Variants in DDB2 observed in about 807,000 individuals in gnomAD.
DDB2 encodes DNA damage-binding protein 2.
Under a neutral mutation model 50.5 loss-of-function variants are expected in DDB2, and 27 were observed. The ratio of observed to expected loss-of-function variants is 0.53; its 90% CI spans 0.39 to 0.74. The LOEUF is 0.74. Among genes scored for constraint, DDB2 ranks in the 30% least tolerant of loss-of-function variants. DDB2 has a pLI of 0.00. For synonymous variants in DDB2, 176 were observed against 205.5 expected, an observed-to-expected ratio of 0.86 and a Z score of 1.23; for missense variants, 424 against 545.6, an observed-to-expected ratio of 0.78 and a Z score of 2.22.
In DDB2 at chr11:47,237,434, CTTTT is replaced by C. The variant is rs564311013; in HGVS notation, c.1024-388_1024-385del. 2.9e-5 allele frequency among the ~76,000 whole-genome samples: 4 copies of C among 139,210 alleles called. No homozygotes were observed. The South Asian group carries it at 9.0e-4, about 31-fold the overall frequency. The allele number at this position is 139,210 out of a possible 152,430, so 91.3% of individuals were successfully genotyped here. A position where few individuals can be genotyped will look rare whatever the true frequency, so the allele number is the denominator to read the frequency against. Reference sequence around the variant, plus strand: ...GTTGGCTTGTTACTGGCAAATACTACTTTTTTTTTTTTTTTTTTGAGAGTCTTGC... The same window carrying C: ...GTTGGCTTGTTACTGGCAAATACTACTTTTTTTTTTTTTTGAGAGTCTTGC... On this transcript the variant is annotated intron_variant, in intron 7 of 9. Coordinates refer to ENST00000256996, the MANE Select transcript of DDB2 (RefSeq NM_000107.3).
At chr11:47,238,466 T>C (rs1194046216) in intron 9 of DDB2, among the ~76,000 whole-genome samples, 1 of 152,140 alleles carries the variant, frequency 6.6e-6, no homozygotes, top group African/African-American at 2.4e-5. Flanking sequence ...TGGCGTGATC[T>C]TGGCTCAATG....
At chr11:47,219,464 A>G in intron 3 of DDB2, among the ~76,000 whole-genome samples, 1 of 151,544 alleles carries the variant, frequency 6.6e-6, no homozygotes, top group East Asian at 2.0e-4. Context: ...TGACTCAAGG[A>G]ATCCTCCGGC....
At chr11:47,217,437 T>C (rs1953417037) in intron 3 of DDB2, 1 of 155,104 alleles carries the variant, frequency 6.4e-6, no homozygotes, top group African/African-American at 2.4e-5. Context: ...GTTGAAGGCA[T>C]GAAAGGAATA....
At chr11:47,235,474 T>G in intron 7 of DDB2, 62 bp downstream of exon 7, 1 of 1,560,838 alleles carries the variant, frequency 6.4e-7, no homozygotes, top group Non-Finnish European at 8.7e-7. Context: ...GGAGCAGGTC[T>G]GCCCACAGTG....
At chr11:47,234,047 T>C (rs326224) in intron 4 of DDB2, among the ~76,000 whole-genome samples, 107,716 of 152,062 alleles carry the variant, frequency 0.71, 40,292 homozygotes, top group Non-Finnish European at 0.85. Context: ...TGAAGCACCC[T>C]CCTAGTCAGC....
intron 3 of DDB2, among the ~76,000 whole-genome samples, chr11:47,223,595 A>G (rs1953517286): frequency 1.3e-5 from 2 of 152,074 alleles, no homozygotes. Context: ...CCTGGCTAAC[A>G]CGGTGAAACC....
At chr11:47,219,851 A>C (rs1042227055) in intron 3 of DDB2, among the ~76,000 whole-genome samples, 4 of 152,072 alleles carry the variant, frequency 2.6e-5, no homozygotes, top group Admixed American at 6.6e-5. Context: ...GCAGTGGCGC[A>C]ATCTCGGCTC....
At chr11:47,216,495 T>A (rs1360618253) in intron 2 of DDB2, 23 bp downstream of exon 2, 1 of 1,612,302 alleles carries the variant, frequency 6.2e-7, no homozygotes, top group Admixed American at 1.7e-5. Flanking sequence ...TTGCCTCAAG[T>A]CCTCAAGGGT....
In DDB2 at chr11:47,226,136, A is replaced by C. The variant is rs112709622; in HGVS notation, c.457-6678A>C. On this transcript the variant is annotated intron_variant, in intron 3 of 9. Coordinates refer to ENST00000256996, the MANE Select transcript of DDB2 (RefSeq NM_000107.3). ...TTTGGGGCTTATGCCAATAAGTACG[A>C]TTGCTTCATCAAATGGTAATTTTGT... Among the ~76,000 whole-genome samples, 1,159 of 152,290 alleles carry C rather than the reference A, an allele frequency of 7.6e-3. 18 individuals are homozygous for C. The highest frequency in any genetic ancestry group is 0.026 in the African/African-American group (1,077 of 41,566).
intron 7 of DDB2, among the ~76,000 whole-genome samples, chr11:47,237,434 C>CT (rs564311013): frequency 0.019 from 2,589 of 139,190 alleles, 85 homozygotes; most frequent in African/African-American, 0.056. Context: ...GCAAATACTA[C>CT]TTTTTTTTTT....
intron 3 of DDB2, among the ~76,000 whole-genome samples, chr11:47,227,992 T>C (rs1166164368): frequency 6.6e-6 from 1 of 151,392 alleles, no homozygotes; most frequent in Non-Finnish European, 1.5e-5. Context: ...ATGCAAAAAT[T>C]AGCTGGGCGT....
At chr11:47,228,616 C>T (rs1427811966) in intron 3 of DDB2, among the ~76,000 whole-genome samples, 8 of 148,298 alleles carry the variant, frequency 5.4e-5, no homozygotes, top group African/African-American at 1.5e-4. Flanking sequence ...GCACTCCAGC[C>T]TGGGCAACAG....
intron 3 of DDB2, among the ~76,000 whole-genome samples, chr11:47,222,920 C>T (rs1306963499): frequency 1.3e-5 from 2 of 152,090 alleles, no homozygotes; most frequent in African/African-American, 4.8e-5. Context: ...TTCATGTGAT[C>T]CAGATTTCCT....
intron 2 of DDB2, 39 bp downstream of exon 2, chr11:47,216,511 C>G: frequency 6.2e-7 from 1 of 1,611,780 alleles, no homozygotes; most frequent in East Asian, 2.2e-5. Flanking sequence ...AGGGTTTACA[C>G]GTGCATTTTT....
chr11:47,225,578 C>T (rs1054202805), intron 3 of DDB2, among the ~76,000 whole-genome samples: 5 of 150,716 alleles, frequency 3.3e-5, no homozygotes, highest in Non-Finnish European at 7.4e-5. Flanking sequence ...GGCAACAGAG[C>T]GAGACTCCAT....
intron 3 of DDB2, chr11:47,229,873 C>A: frequency 2.5e-6 from 1 of 394,606 alleles, no homozygotes; most frequent in Non-Finnish European, 4.8e-6. Flanking sequence ...CTCTGCCACC[C>A]AGGCTGGAAT....
rs757228612 is a variant in DDB2 at position 47,215,123 on chromosome 11, AC to A, written c.-13del. The A allele has an allele frequency of 6.2e-7, 1 of 1,613,802 alleles. No individual in the cohort carries two copies. Among genetic ancestry groups the A allele is most frequent in the Non-Finnish European group, 8.5e-7 (1 of 1,179,914 alleles). The stretch of plus-strand genomic sequence containing the variant: ...TTCGCATAGAGCACAGTACCCCTTC[AC>A]ACGGAGGACGCGATGGCTCCCAAGA... On this transcript the variant is annotated 5_prime_UTR_variant, in exon 1 of 10. Coordinates refer to ENST00000256996, the MANE Select transcript of DDB2 (RefSeq NM_000107.3).
rs142203542 is a variant in DDB2 at position 47,234,666 on chromosome 11, C to T, written c.696C>T (p.Gly232=). 2.5e-6 allele frequency: 4 copies of T among 1,614,104 alleles called. No homozygotes were observed. Among genetic ancestry groups the T allele is most frequent in the South Asian group, 1.1e-5 (1 of 91,086 alleles). The change falls in exon 5 of 10, where the codon GGC becomes GGT. Residue 232 remains glycine, a synonymous_variant. Coordinates refer to ENST00000256996, the MANE Select transcript of DDB2 (RefSeq NM_000107.3). ...VGNVILLNMD[G]KELWNLRMHK... is the part of the protein sequence containing the mutation. Reference sequence around the variant, plus strand: ...ACGTGATCCTGCTGAACATGGACGGCAAAGAGGTGCGTTCTCCGAGGTCCT... The same window carrying T: ...ACGTGATCCTGCTGAACATGGACGGTAAAGAGGTGCGTTCTCCGAGGTCCT...
intron 3 of DDB2, among the ~76,000 whole-genome samples, chr11:47,225,268 A>C (rs1953541432): frequency 6.6e-6 from 1 of 151,816 alleles, no homozygotes. Flanking sequence ...AAAAAAAAAA[A>C]AAACTCTAAC....
Sources: allele counts gnomAD v4.1 joint callset (sites outside exome capture counted in the v4.1 genomes callset), GRCh38; gene constraint gnomAD v4.1.1; transcripts MANE v1.5; gene names NCBI Gene and HGNC (gene_info 2026-07-23, HGNC 2026-07-21).